The following CACNA1D variants were observed in gnomAD, a reference collection of about 807,000 sequenced individuals.
The protein encoded by CACNA1D is voltage-dependent L-type calcium channel subunit alpha-1D.
CACNA1D carries 55 observed loss-of-function variants against 257.1 expected under a neutral mutation model. The ratio of observed to expected loss-of-function variants is 0.21; its 90% CI spans 0.17 to 0.27. The LOEUF (loss-of-function observed/expected upper bound fraction) is 0.27, where lower values mean the gene tolerates loss of function less well. Among genes scored for constraint, CACNA1D ranks in the 10% least tolerant of loss-of-function variants. CACNA1D has a pLI of 1.00. For missense variants in CACNA1D, 1,876 were observed against 2,784.0 expected (o/e 0.67, Z 7.34); for synonymous variants, 980 against 1,014.9 (o/e 0.97, Z 0.65).
At position 53,549,052 on chromosome 3, in the gene CACNA1D, G is replaced by A. The variant is rs886671993; in HGVS notation, c.483+47332G>A. The stretch of plus-strand genomic sequence containing the variant: ...TATTCTCATAGTCTGGTTATGTACA[G>A]GGCTTCACAAATCTTTGTGTTGTTT... On this transcript the variant is annotated intron_variant, in intron 3 of 47. Transcript: ENST00000350061. Among the ~76,000 whole-genome samples, 11 of 152,182 alleles carry A rather than the reference G, an allele frequency of 7.2e-5. No homozygotes were observed. In the East Asian group the frequency reaches 2.1e-3, roughly 29 times the overall value.
chr3:53,546,561 C>CT (rs2107554045), intron 3 of CACNA1D, among the ~76,000 whole-genome samples: 1 of 152,326 alleles, frequency 6.6e-6, no homozygotes, highest in African/African-American at 2.4e-5. Flanking sequence ...CAGAATTTGT[C>CT]TAACAGGAAT....
intron 14 of CACNA1D, among the ~76,000 whole-genome samples, chr3:53,726,644 A>G (rs2094937769): frequency 6.6e-6 from 1 of 151,454 alleles, no homozygotes; most frequent in South Asian, 2.1e-4. Context: ...TCAAAAACAA[A>G]CAAACACTTA....
intron 39 of CACNA1D, chr3:53,782,274 A>G (rs1332434486): frequency 6.5e-5 from 9 of 139,488 alleles, no homozygotes; most frequent in Middle Eastern, 3.7e-3. Context: ...GTATATATAT[A>G]TATATATATA....
At chr3:53,690,370 G>A (rs2094508280) in intron 8 of CACNA1D, among the ~76,000 whole-genome samples, 2 of 152,306 alleles carry the variant, frequency 1.3e-5, no homozygotes, top group South Asian at 4.1e-4. Context: ...GGGATACAGA[G>A]GCTTCAGAGA....
chr3:53,581,358 C>T (rs1468605243), intron 3 of CACNA1D, among the ~76,000 whole-genome samples: 3 of 152,180 alleles, frequency 2.0e-5, no homozygotes, highest in South Asian at 4.1e-4. Context: ...CAATTACCTG[C>T]AGACTGTAGC....
intron 9 of CACNA1D, among the ~76,000 whole-genome samples, chr3:53,710,207 T>C (rs2094735894): frequency 6.6e-6 from 1 of 152,218 alleles, no homozygotes. Context: ...GTAATAGCTG[T>C]GGAAAGGGCA....
intron 30 of CACNA1D, among the ~76,000 whole-genome samples, chr3:53,765,079 C>T (rs1302418958): frequency 5.3e-5 from 8 of 152,224 alleles, no homozygotes; most frequent in African/African-American, 1.9e-4. Context: ...TTTCAACACA[C>T]ATTCACTGGG....
At chr3:53,676,852 A>G (rs2094381822) in intron 8 of CACNA1D, among the ~76,000 whole-genome samples, 1 of 152,258 alleles carries the variant, frequency 6.6e-6, no homozygotes, top group African/African-American at 2.4e-5. Flanking sequence ...CTATGCAGCC[A>G]TGCATGAATA....
chr3:53,578,020 A>G (rs539319192), intron 3 of CACNA1D, among the ~76,000 whole-genome samples: 1 of 152,282 alleles, frequency 6.6e-6, no homozygotes, highest in Non-Finnish European at 1.5e-5. Flanking sequence ...CATTCAGTCA[A>G]AAATTACGTA....
At chr3:53,726,221 C>T (rs1004922712) in intron 14 of CACNA1D, among the ~76,000 whole-genome samples, 18 of 152,210 alleles carry the variant, frequency 1.2e-4, no homozygotes, top group African/African-American at 4.1e-4. Flanking sequence ...GAGAAGACAC[C>T]TAGTGCTTGT....
chr3:53,722,722 C>A (rs950760524), intron 12 of CACNA1D, among the ~76,000 whole-genome samples: 1 of 152,200 alleles, frequency 6.6e-6, no homozygotes, highest in African/African-American at 2.4e-5. Context: ...CAACCTAGGA[C>A]CAAGAATTCT....
intron 3 of CACNA1D, among the ~76,000 whole-genome samples, chr3:53,538,331 A>G (rs1293271112): frequency 1.3e-5 from 2 of 151,400 alleles, no homozygotes; most frequent in African/African-American, 4.9e-5. Context: ...TAATTTTTGT[A>G]TTTTTAATAG....
intron 45 of CACNA1D, among the ~76,000 whole-genome samples, chr3:53,807,200 A>G (rs1251738078): frequency 1.3e-5 from 2 of 152,202 alleles, no homozygotes; most frequent in East Asian, 1.9e-4. Flanking sequence ...CATACAGGAG[A>G]GGGACCGCTG....
intron 3 of CACNA1D, among the ~76,000 whole-genome samples, chr3:53,548,641 C>T (rs151271345): frequency 1.7e-3 from 265 of 152,232 alleles, no homozygotes; most frequent in African/African-American, 6.0e-3. Context: ...ACCCTGACCC[C>T]TCAGACTGTT....
intron 46 of CACNA1D, 62 bp from the exon 47 acceptor site, chr3:53,809,916 G>A: frequency 6.6e-7 from 1 of 1,508,842 alleles, no homozygotes; most frequent in Non-Finnish European, 9.2e-7. Context: ...TCTGTGCGCA[G>A]AAGGTTTGAG....
rs71074924 is a variant in CACNA1D, at chr3:53,520,849, C to CCTTTCTTTCTTTCTTTCTTT, written c.483+19158_483+19177dup. ...TTTTTGGATTTATGATTTGCAAACT[C>CCTTTCTTTCTTTCTTTCTTT]CTTTCTTTCTTTCTTTCTTTCTTTC... On this transcript the variant is annotated intron_variant, in intron 3 of 47. Coordinates refer to ENST00000350061, the MANE Select transcript of CACNA1D (RefSeq NM_001128840.3). Among the ~76,000 whole-genome samples the CCTTTCTTTCTTTCTTTCTTT allele has an allele frequency of 3.9e-3, 520 of 133,044 alleles. 3 individuals are homozygous for CCTTTCTTTCTTTCTTTCTTT. The highest frequency in any genetic ancestry group is 0.012 in the Middle Eastern group (3 of 260). The allele number at this position is 133,044 out of a possible 152,430, so 87.3% of individuals were successfully genotyped here. A position where few individuals can be genotyped will look rare whatever the true frequency, so the allele number is the denominator to read the frequency against.
intron 34 of CACNA1D, among the ~76,000 whole-genome samples, chr3:53,775,265 A>G (rs540395148): frequency 2.0e-5 from 3 of 152,314 alleles, no homozygotes; most frequent in Admixed American, 2.0e-4. Context: ...TTAAGTTGTT[A>G]AGTATTTTGG....
chr3:53,603,349 C>T (rs887700120), intron 3 of CACNA1D, among the ~76,000 whole-genome samples: 6 of 152,200 alleles, frequency 3.9e-5, no homozygotes, highest in African/African-American at 4.8e-5. Flanking sequence ...AATCGCACCT[C>T]GGATATTAAC....
In CACNA1D at chr3:53,713,162, G is replaced by C. The variant is rs2094778632; in HGVS notation, c.1391-5139G>C. Among the ~76,000 whole-genome samples the C allele has an allele frequency of 2.0e-5, 3 of 152,210 alleles. No individual in the cohort carries two copies. In the South Asian group the frequency reaches 6.2e-4, roughly 32 times the overall value. ...TCCTTGCAGAGCTGGGGGAATGCAA[G>C]GGAAACCCCCTGGTTGTTGGTAGTA... On this transcript the variant is annotated intron_variant, in intron 9 of 47. Coordinates refer to ENST00000350061, the MANE Select transcript of CACNA1D (RefSeq NM_001128840.3).
Sources: gnomAD v4.1 joint callset for allele counts (sites outside exome capture counted in the v4.1 genomes callset) on GRCh38, gnomAD v4.1.1 for gene constraint, MANE v1.5 for transcripts, NCBI Gene and HGNC (gene_info 2026-07-23, HGNC 2026-07-21) for gene names.